NUP35: variants seen among roughly 807,000 people sequenced by gnomAD.
NUP35 encodes nucleoporin 35.
Under a neutral mutation model 41.5 loss-of-function variants are expected in NUP35, and 25 were observed. That is an observed-to-expected ratio of 0.60 (90% CI 0.44 to 0.84). The LOEUF is 0.84. Among genes scored for constraint, NUP35 ranks in the 40% least tolerant of loss-of-function variants. The pLI, the probability that NUP35 is intolerant of heterozygous loss-of-function variation, is 0.00. For synonymous variants in NUP35, 149 were observed against 130.7 expected, an observed-to-expected ratio of 1.14 and a Z score of -0.96; for missense variants, 396 against 396.6, an observed-to-expected ratio of 1.00 and a Z score of 0.01.
chr2:183,134,399 G>C (rs2705727), intron 4 of NUP35, among the ~76,000 whole-genome samples: 63,742 of 151,968 alleles, frequency 0.42, 15,158 homozygotes, highest in African/African-American at 0.64. Flanking sequence ...AGCAGCAAAG[G>C]GGGGGAGGGG....
chr2:183,159,119 C>T (rs1292437361), intron 7 of NUP35, among the ~76,000 whole-genome samples: 2 of 152,080 alleles, frequency 1.3e-5, no homozygotes, highest in African/African-American at 4.8e-5. Context: ...TTGCAGAGGC[C>T]AGAAGAATAT....
Position 183,150,741 on chromosome 2 carries a change from C to T in NUP35, c.398-767C>T, listed in dbSNP as rs539287716. Among the ~76,000 whole-genome samples the T allele has an allele frequency of 2.6e-5, 4 of 152,226 alleles. No individual in the cohort carries two copies. In the South Asian group the frequency reaches 8.3e-4, roughly 32 times the overall value. On this transcript the variant is annotated intron_variant, in intron 4 of 8. Coordinates refer to ENST00000295119, the MANE Select transcript of NUP35 (RefSeq NM_138285.5). Reference sequence around the variant, plus strand: ...TTTGTCTAATGTGTTTACTGCTATACCTTCAATACCTAGGTTGATGCTTGG... The same window carrying T: ...TTTGTCTAATGTGTTTACTGCTATATCTTCAATACCTAGGTTGATGCTTGG...
At chr2:183,156,215 C>T (rs905827186) in intron 5 of NUP35, among the ~76,000 whole-genome samples, 6 of 152,184 alleles carry the variant, frequency 3.9e-5, no homozygotes, top group Non-Finnish European at 7.3e-5. Flanking sequence ...TGTTTGATCT[C>T]TGCCCTGTAG....
At chr2:183,144,243 A>G (rs554404190) in intron 4 of NUP35, among the ~76,000 whole-genome samples, 21 of 152,340 alleles carry the variant, frequency 1.4e-4, no homozygotes, top group African/African-American at 5.1e-4. Context: ...GGCAATATAC[A>G]TGGAGTACTA....
intron 1 of NUP35, among the ~76,000 whole-genome samples, chr2:183,125,490 CT>C (rs1684428572): frequency 6.6e-6 from 1 of 152,078 alleles, no homozygotes; most frequent in Admixed American, 6.6e-5. Flanking sequence ...AAAATAAGTT[CT>C]TTTTGAGAAT....
rs752690854 is a variant in NUP35, at chr2:183,130,399, T to C, written c.212-19T>C. The C allele has an allele frequency of 7.2e-7, 1 of 1,388,240 alleles. No homozygotes were observed. The highest frequency in any genetic ancestry group is 9.3e-7 in the Non-Finnish European group (1 of 1,072,680). The allele number at this position is 1,388,240 out of a possible 1,614,324, so 86.0% of individuals were successfully genotyped here. A position where few individuals can be genotyped will look rare whatever the true frequency, so the allele number is the denominator to read the frequency against. On this transcript the variant is annotated intron_variant, in intron 2 of 8. Transcript: ENST00000295119. ...AAAAGAAGAATCCCTTTTTTTTTTT[T>C]TTTTTTTGTACACTGTAGGTGGGTC... is the stretch of plus-strand genomic sequence containing the variant.
intron 4 of NUP35, among the ~76,000 whole-genome samples, chr2:183,150,413 C>G (rs1030326810): frequency 6.6e-6 from 1 of 152,196 alleles, no homozygotes; most frequent in Admixed American, 6.5e-5. Context: ...CAGTGGCCTT[C>G]TTGCGTTCAT....
At chr2:183,149,362 A>G (rs1234182850) in intron 4 of NUP35, among the ~76,000 whole-genome samples, 1 of 152,260 alleles carries the variant, frequency 6.6e-6, no homozygotes, top group African/African-American at 2.4e-5. Context: ...TCATATAAAC[A>G]TAATCTTTTT....
chr2:183,125,790 A>G (rs1487877500), intron 1 of NUP35, among the ~76,000 whole-genome samples: 2 of 152,242 alleles, frequency 1.3e-5, no homozygotes, highest in African/African-American at 2.4e-5. Flanking sequence ...CACATTTTGC[A>G]GATATTCCAG....
intron 1 of NUP35, among the ~76,000 whole-genome samples, chr2:183,127,432 C>T (rs556130274): frequency 6.6e-6 from 1 of 152,202 alleles, no homozygotes; most frequent in African/African-American, 2.4e-5. Context: ...TTATTCTTGA[C>T]TTAAACTAAT....
chr2:183,130,934 T>A, intron 3 of NUP35: 1 of 1,148,424 alleles, frequency 8.7e-7, no homozygotes, highest in Non-Finnish European at 1.1e-6. Context: ...TTCATCTAGA[T>A]CTAGGGCACT....
At chr2:183,147,529 G>A (rs893447109) in intron 4 of NUP35, among the ~76,000 whole-genome samples, 1 of 152,080 alleles carries the variant, frequency 6.6e-6, no homozygotes, top group Admixed American at 6.6e-5. Flanking sequence ...TCTCCATTCT[G>A]TTTCATTGGT....
intron 4 of NUP35, among the ~76,000 whole-genome samples, chr2:183,138,613 G>A (rs577893194): frequency 3.3e-5 from 5 of 152,014 alleles, no homozygotes; most frequent in African/African-American, 1.2e-4. Context: ...AACATTGAAT[G>A]TGTTTTTTCT....
intron 1 of NUP35, 80 bp downstream of exon 1, chr2:183,124,577 C>T: frequency 1.3e-6 from 2 of 1,560,586 alleles, no homozygotes; most frequent in East Asian, 4.5e-5. Context: ...GAAAGGCAGT[C>T]GTCAGGCTCT....
Position 183,127,555 on chromosome 2 carries a change from G to C in NUP35, c.41-732G>C, listed in dbSNP as rs190409261. Among the ~76,000 whole-genome samples, 775 of 152,196 alleles carry C rather than the reference G, an allele frequency of 5.1e-3. 4 individuals carry two copies. Among genetic ancestry groups the C allele is most frequent in the Non-Finnish European group, 8.5e-3 (581 of 68,002 alleles). ...AGTGCTCTAATATATGCATGGTTAC[G>C]GTTTTATCACAATAATGATGAACTT... On this transcript the variant is annotated intron_variant, in intron 1 of 8. Transcript: ENST00000295119.
chr2:183,129,313 A>G (rs1471006198), intron 2 of NUP35, among the ~76,000 whole-genome samples: 1 of 152,236 alleles, frequency 6.6e-6, no homozygotes. Context: ...GCAAAGAAAT[A>G]CTTTAAAAAA....
At chr2:183,145,789 T>C (rs1685257083) in intron 4 of NUP35, among the ~76,000 whole-genome samples, 1 of 152,150 alleles carries the variant, frequency 6.6e-6, no homozygotes, top group Non-Finnish European at 1.5e-5. Flanking sequence ...TAAAGTCAAG[T>C]CTAACAGACT....
chr2:183,157,294 C>A, intron 5 of NUP35, 150 bp from the exon 6 acceptor site: 1 of 654,916 alleles, frequency 1.5e-6, no homozygotes, highest in Non-Finnish European at 2.7e-6. Flanking sequence ...ACAGAATTAG[C>A]CCATATCGGG....
chr2:183,128,065 C>G (rs1253735797), intron 1 of NUP35, among the ~76,000 whole-genome samples: 2 of 141,938 alleles, frequency 1.4e-5, no homozygotes, highest in Non-Finnish European at 3.0e-5. Context: ...GAGTGAGACT[C>G]GGACTCAGAA....
Sources: gnomAD v4.1 joint callset for allele counts (sites outside exome capture counted in the v4.1 genomes callset) on GRCh38, gnomAD v4.1.1 for gene constraint, MANE v1.5 for transcripts, NCBI Gene and HGNC (gene_info 2026-07-23, HGNC 2026-07-21) for gene names.